THADA: variants seen among roughly 807,000 people sequenced by gnomAD.
THADA encodes the protein THADA armadillo repeat containing.
THADA carries 213 observed loss-of-function variants against 219.8 expected under a neutral mutation model. That is an observed-to-expected ratio of 0.97 (90% confidence interval 0.87 to 1.09). The LOEUF (loss-of-function observed/expected upper bound fraction) is 1.09. THADA is among the 50% of genes least tolerant of loss of function. The pLI, the probability that THADA is intolerant of heterozygous loss-of-function variation, is 0.00. For synonymous variants in THADA, 1,018 were observed against 828.9 expected, an observed-to-expected ratio of 1.23 and a Z score of -3.92; for missense variants, 2,956 against 2,311.3, an observed-to-expected ratio of 1.28 and a Z score of -5.72.
At chr2:43,267,991 G>A (rs927684899) in intron 36 of THADA, among the ~76,000 whole-genome samples, 1 of 152,168 alleles carries the variant, frequency 6.6e-6, no homozygotes, top group African/African-American at 2.4e-5. Context: ...ACTTCAGCTG[G>A]AGGTGAGGAA....
intron 24 of THADA, among the ~76,000 whole-genome samples, chr2:43,500,955 T>C (rs1248376972): frequency 1.3e-5 from 2 of 151,930 alleles, no homozygotes; most frequent in South Asian, 2.1e-4. Flanking sequence ...CTTTTAAAAG[T>C]ACCATTCATA....
At chr2:43,476,058 G>A (rs761913841) in intron 26 of THADA, among the ~76,000 whole-genome samples, 3 of 152,064 alleles carry the variant, frequency 2.0e-5, no homozygotes, top group South Asian at 2.1e-4. Flanking sequence ...CACGTGCTTC[G>A]GGGAGGACCA....
chr2:43,300,033 C>CA lies in THADA; in HGVS notation c.4439-6821dup, dbSNP rs538753350. On this transcript the variant is annotated intron_variant, in intron 31 of 37. Transcript: ENST00000405975. ...AGAAGAGCAAAACTCTGTCTCAAGG[C>CA]AAAAAAAAAAAAAAAAAGCTGACAT... Among the ~76,000 whole-genome samples the CA allele has an allele frequency of 6.6e-3, 550 of 83,246 alleles. 4 individuals are homozygous for CA. The highest frequency in any genetic ancestry group is 0.015 in the East Asian group (28 of 1,818). The allele number at this position is 83,246 out of a possible 152,430, so 54.6% of individuals were successfully genotyped here. A position where few individuals can be genotyped will look rare whatever the true frequency, so the allele number is the denominator to read the frequency against.
chr2:43,264,666 C>T (rs1001052581), intron 36 of THADA, among the ~76,000 whole-genome samples: 19 of 151,988 alleles, frequency 1.3e-4, no homozygotes, highest in African/African-American at 3.9e-4. Flanking sequence ...TGTTTGTAGC[C>T]AAGGTGGAAA....
Position 43,411,052 on chromosome 2 carries a change from T to G in THADA, c.4059-12913A>C, listed in dbSNP as rs568789187. On this transcript the variant is annotated intron_variant, in intron 28 of 37. Transcript: ENST00000405975. Reference sequence around the variant, plus strand: ...TACAACCAGAATTAATGTTCCCTTGTGCTCTTTTAAAAAATCAAATCAATA... The same window carrying G: ...TACAACCAGAATTAATGTTCCCTTGGGCTCTTTTAAAAAATCAAATCAATA... 2.0e-5 allele frequency among the ~76,000 whole-genome samples: 3 copies of G among 152,342 alleles called. No individual in the cohort carries two copies. The South Asian group carries it at 6.2e-4, about 32-fold the overall frequency.
chr2:43,473,810 T>C (rs1382538904), intron 26 of THADA, among the ~76,000 whole-genome samples: 6 of 152,130 alleles, frequency 3.9e-5, no homozygotes, highest in African/African-American at 1.2e-4. Flanking sequence ...GGTTTCACCA[T>C]GTTGGCCAGG....
At chr2:43,347,106 T>A (rs1327963036) in intron 29 of THADA, among the ~76,000 whole-genome samples, 1 of 152,142 alleles carries the variant, frequency 6.6e-6, no homozygotes, top group African/African-American at 2.4e-5. Context: ...AAGGCTAGAT[T>A]AGTGCTAAGA....
chr2:43,436,737 C>T (rs1680166499), intron 26 of THADA, among the ~76,000 whole-genome samples: 1 of 152,186 alleles, frequency 6.6e-6, no homozygotes, highest in African/African-American at 2.4e-5. Context: ...GATTTACCAG[C>T]TGATTGTTCA....
intron 36 of THADA, among the ~76,000 whole-genome samples, chr2:43,241,757 C>G (rs1421097072): frequency 6.6e-6 from 1 of 152,160 alleles, no homozygotes; most frequent in African/African-American, 2.4e-5. Flanking sequence ...CAGCCTGGGA[C>G]CGCCCTACTG....
At chr2:43,330,764 C>A (rs1270069121) in intron 30 of THADA, among the ~76,000 whole-genome samples, 2 of 152,212 alleles carry the variant, frequency 1.3e-5, no homozygotes, top group Non-Finnish European at 2.9e-5. Flanking sequence ...TGGAAGGCAG[C>A]TCCTAAGAGA....
chr2:43,237,397 ATTTT>A (rs70963388), intron 36 of THADA, among the ~76,000 whole-genome samples: 1 of 132,262 alleles, frequency 7.6e-6, no homozygotes. Context: ...AACTCATTTG[ATTTT>A]TTTTTTTTTT....
At chr2:43,502,796 ATATG>A (rs1190979486) in intron 24 of THADA, among the ~76,000 whole-genome samples, 4 of 151,972 alleles carry the variant, frequency 2.6e-5, no homozygotes, top group African/African-American at 9.6e-5. Context: ...GGGAGAATAT[ATATG>A]TAATTCAAAT....
chr2:43,325,511 G>C (rs1240006975), intron 30 of THADA, among the ~76,000 whole-genome samples: 1 of 151,686 alleles, frequency 6.6e-6, no homozygotes, highest in East Asian at 1.9e-4. Flanking sequence ...AGTGGGTAGT[G>C]ACCAGCAATA....
At chr2:43,254,890 C>T (rs75889692) in intron 36 of THADA, among the ~76,000 whole-genome samples, 4,291 of 152,284 alleles carry the variant, frequency 0.028, 70 homozygotes, top group Middle Eastern at 0.058. Flanking sequence ...GGTCTACATC[C>T]TTGTCTCCTG....
At chr2:43,290,177 G>T (rs941693234) in intron 34 of THADA, among the ~76,000 whole-genome samples, 6 of 151,530 alleles carry the variant, frequency 4.0e-5, no homozygotes, top group African/African-American at 1.5e-4. Flanking sequence ...TTTCACTGTT[G>T]GTCAGGCTAG....
At chr2:43,380,726 G>C (rs562485187) in intron 29 of THADA, among the ~76,000 whole-genome samples, 49 of 152,270 alleles carry the variant, frequency 3.2e-4, no homozygotes, top group African/African-American at 1.1e-3. Flanking sequence ...AAAGAAACCA[G>C]GTCTCCTTGG....
At chr2:43,516,284 T>A (rs1367131858) in intron 22 of THADA, among the ~76,000 whole-genome samples, 1 of 152,148 alleles carries the variant, frequency 6.6e-6, no homozygotes, top group African/African-American at 2.4e-5. Context: ...AACACTCCAA[T>A]GGCTCCCCAT....
chr2:43,305,616 A>G (rs545388023), intron 31 of THADA, among the ~76,000 whole-genome samples: 43 of 152,236 alleles, frequency 2.8e-4, no homozygotes, highest in African/African-American at 1.0e-3. Context: ...AGGATACTCT[A>G]AAGACTATCC....
intron 30 of THADA, among the ~76,000 whole-genome samples, chr2:43,329,383 C>A (rs1679701260): frequency 6.6e-6 from 1 of 152,122 alleles, no homozygotes; most frequent in African/African-American, 2.4e-5. Flanking sequence ...CTGGATGCTG[C>A]CTGAGCTATG....
Sources: gnomAD v4.1 joint callset for allele counts (sites outside exome capture counted in the v4.1 genomes callset) on GRCh38, gnomAD v4.1.1 for gene constraint, MANE v1.5 for transcripts, NCBI Gene and HGNC (gene_info 2026-07-23, HGNC 2026-07-21) for gene names.